Variants in SCN4A observed in about 807,000 individuals in gnomAD.
SCN4A encodes the protein sodium channel protein type 4 subunit alpha.
In SCN4A, 83 loss-of-function variants were observed where a neutral mutation model predicts 162.0. The ratio of observed to expected loss-of-function variants is 0.51; its 90% confidence interval spans 0.43 to 0.61. SCN4A has a LOEUF of 0.61. Ranked by LOEUF, SCN4A falls within the 20% of genes least tolerant of loss-of-function variation. The probability of loss-of-function intolerance (pLI) is 0.00; values close to 1 mark genes in which losing one functional copy is unlikely to be tolerated. For synonymous variants in SCN4A, 944 were observed against 985.1 expected (o/e 0.96, Z 0.78); for missense variants, 2,196 against 2,462.5 (o/e 0.89, Z 2.29).
chr17:63,947,214 T>A (rs1567818847), intron 17 of SCN4A, 47 bp from the exon 18 acceptor site: 2 of 1,609,350 alleles, frequency 1.2e-6, no homozygotes, highest in South Asian at 2.2e-5. Context: ...GCCCCCAGCC[T>A]CCCCTCAAGC....
In SCN4A at chr17:63,940,821, G is replaced by A. The variant is rs759262616; in HGVS notation, c.5461C>T (p.Pro1821Ser). ...SPSDTAWPPA[P>S]PPGQTVRPGV... Reference sequence around the variant, plus strand: ...GGGCGCACAGTCTGCCCTGGGGGAGGGGCGGGAGGCCAGGCAGTGTCTGAG... The same window carrying A: ...GGGCGCACAGTCTGCCCTGGGGGAGAGGCGGGAGGCCAGGCAGTGTCTGAG... Residue 1821 changes from proline to serine, a missense_variant, in exon 24 of 24, where the codon CCT (proline) becomes TCT (serine). By Grantham distance (74) the Pro-to-Ser change is moderately conservative. Coordinates refer to ENST00000435607, the MANE Select transcript of SCN4A (RefSeq NM_000334.4). 1 of 1,604,722 alleles carries A rather than the reference G, an allele frequency of 6.2e-7. No individual in the cohort carries two copies. Among genetic ancestry groups the A allele is most frequent in the East Asian group, 2.2e-5 (1 of 44,670 alleles).
In SCN4A at chr17:63,945,137, CAA is replaced by C; in HGVS notation, c.3721-79_3721-78del. 6.8e-7 allele frequency: 1 copy of C among 1,463,400 alleles called. No homozygotes were observed. The highest frequency in any genetic ancestry group is 9.5e-7 in the Non-Finnish European group (1 of 1,054,078). The allele number at this position is 1,463,400 out of a possible 1,614,324, so 90.7% of individuals were successfully genotyped here. A position where few individuals can be genotyped will look rare whatever the true frequency, so the allele number is the denominator to read the frequency against. ...CATCCATGAGTTTCCCTCCCCCACCCAACCTGGTCCTCCCCTGCCAGAGGCCG... is the reference window on the plus strand; with the variant it reads ...CATCCATGAGTTTCCCTCCCCCACCCCCTGGTCCTCCCCTGCCAGAGGCCG... On this transcript the variant is annotated intron_variant, in intron 19 of 23. Transcript: ENST00000435607. This position sits in a 1 kb window ranked among gnomAD's most constrained non-coding sequence, Gnocchi z 4.4.
chr17:63,966,293 T>TG, intron 7 of SCN4A, 50 bp from the exon 8 acceptor site: 6 of 1,573,112 alleles, frequency 3.8e-6, no homozygotes. Context: ...GCACTCCAGC[T>TG]GGGGGCAGAT....
rs1159153061 is a variant in SCN4A, at chr17:63,963,721, G to T, written c.1557C>A (p.Ala519=). The T allele has an allele frequency of 3.7e-6, 6 of 1,602,340 alleles. No individual in the cohort carries two copies. Among genetic ancestry groups the T allele is most frequent in the East Asian group, 2.3e-5 (1 of 44,294 alleles). Residue 519 remains alanine (A), a synonymous_variant, in exon 10 of 24, where the codon GCC becomes GCA. Coordinates refer to ENST00000435607, the MANE Select transcript of SCN4A (RefSeq NM_000334.4). ...TGTCTCCGCTGCTGCTCTGCCTCGG[G>T]GCTCCCTTCTCCCCTTGCGATGTGT... The part of the protein sequence containing the change: ...SLDTSQGEKG[A]PRQSSSGDSG...
rs535481153 is a variant in SCN4A, at chr17:63,942,135, G to A, written c.4289-142C>T. ...ACAGCCCAGATGACTGACAGGTGAG[G>A]CTGGGCTCTCCCACGGGTCTTGGGG... On this transcript the variant is annotated intron_variant, in intron 23 of 23. Coordinates refer to ENST00000435607, the MANE Select transcript of SCN4A (RefSeq NM_000334.4). 7.2e-5 allele frequency: 59 copies of A among 819,268 alleles called. No homozygotes were observed. In the African/African-American group the frequency reaches 9.3e-4, roughly 13 times the overall value. The allele number at this position is 819,268 out of a possible 1,614,324, so 50.7% of individuals were successfully genotyped here.
rs1046124971 is a variant in SCN4A, at chr17:63,951,045, A to T, written c.2853+379T>A. On this transcript the variant is annotated intron_variant, in intron 14 of 23. Transcript: ENST00000435607. The surrounding 1 kb of genome is among the most constrained non-coding windows in gnomAD (Gnocchi z 4.5). ...GTGTGAGGACTGGGCAAGGGGCCTC[A>T]AACCCAGAGGAGAATATGTAAGAGA... 1.4e-4 allele frequency among the ~76,000 whole-genome samples: 22 copies of T among 152,200 alleles called. No individual in the cohort carries two copies. The highest frequency in any genetic ancestry group is 5.1e-4 in the African/African-American group (21 of 41,450).
Position 63,940,692 on chromosome 17 carries a change from C to A in SCN4A, c.*79G>T, listed in dbSNP as rs1352862301. ...ACAGTCCCAGATTCAAAGCCCTCCT[C>A]CCTCACTCTGTGTGCAGGCACCACG... On this transcript the variant is annotated 3_prime_UTR_variant, in exon 24 of 24. Coordinates refer to ENST00000435607, the MANE Select transcript of SCN4A (RefSeq NM_000334.4). The A allele has an allele frequency of 1.1e-5, 16 of 1,483,206 alleles. No individual in the cohort carries two copies. In the Admixed American group the frequency reaches 3.4e-4, roughly 32 times the overall value. The allele number at this position is 1,483,206 out of a possible 1,614,324, so 91.9% of individuals were successfully genotyped here.
chr17:63,946,307 G>T (rs890198263), intron 18 of SCN4A, among the ~76,000 whole-genome samples: 1 of 152,150 alleles, frequency 6.6e-6, no homozygotes, highest in Non-Finnish European at 1.5e-5. Flanking sequence ...GCTCTGGGGG[G>T]TCAGAGGGCC....
intron 13 of SCN4A, among the ~76,000 whole-genome samples, chr17:63,953,563 C>A (rs1327722553): frequency 6.6e-6 from 1 of 151,466 alleles, no homozygotes; most frequent in Admixed American, 6.6e-5. Flanking sequence ...CACCTATAAT[C>A]CCAGCTACTT....
chr17:63,971,921 C>G, intron 3 of SCN4A, 71 bp from the exon 4 acceptor site: 1 of 1,517,854 alleles, frequency 6.6e-7, no homozygotes, highest in South Asian at 1.1e-5. Flanking sequence ...CGACAGACCC[C>G]CAGAAGGGAG....
At position 63,951,939 on chromosome 17, in the gene SCN4A, C is replaced by T. The variant is rs868803015; in HGVS notation, c.2377-39G>A. 10 of 1,359,888 alleles carry T rather than the reference C, an allele frequency of 7.4e-6. 1 individual carries two copies. The highest frequency in any genetic ancestry group is 4.2e-4 in the Middle Eastern group (2 of 4,770). The allele number at this position is 1,359,888 out of a possible 1,614,324, so 84.2% of individuals were successfully genotyped here. ...TCAGGGGGAGCCTCACATCAGTCCC[C>T]GGGACCCAGAGGGTGCCACCTTCAG... On this transcript the variant is annotated intron_variant, in intron 13 of 23. Coordinates refer to ENST00000435607, the MANE Select transcript of SCN4A (RefSeq NM_000334.4). The surrounding 1 kb of genome is among the most constrained non-coding windows in gnomAD (Gnocchi z 4.5).
chr17:63,956,228 A>C lies in SCN4A; in HGVS notation c.2376+934T>G, dbSNP rs546738640. 3.4e-3 allele frequency among the ~76,000 whole-genome samples: 511 copies of C among 152,210 alleles called. 6 individuals carry two copies. The highest frequency in any genetic ancestry group is 3.0e-3 in the Non-Finnish European group (202 of 68,006). ...TTTATGCCATCTCTGCATTTTCCCA[A>C]TATCTGCACCTGTTTCTTTTTTGTT... On this transcript the variant is annotated intron_variant, in intron 13 of 23. Coordinates refer to ENST00000435607, the MANE Select transcript of SCN4A (RefSeq NM_000334.4).
chr17:63,965,358 T>C (rs900659608), intron 8 of SCN4A, among the ~76,000 whole-genome samples: 8 of 152,222 alleles, frequency 5.3e-5, no homozygotes, highest in Admixed American at 5.2e-4. Context: ...GCTGTTATTA[T>C]TTTTGTTATT....
At position 63,963,746 on chromosome 17, in the gene SCN4A, T is replaced by TTCAG; in HGVS notation, c.1531_1532insCTGA (p.Asp511AlafsTer98). The TTCAG allele has an allele frequency of 1.2e-6, 2 of 1,610,346 alleles. No homozygotes were observed. The highest frequency in any genetic ancestry group is 2.7e-5 in the African/African-American group (2 of 75,002). On this transcript the variant is annotated frameshift_variant, in exon 10 of 24. Transcript: ENST00000435607. LOFTEE classifies it high-confidence loss of function. ...GGCTCCCTTCTCCCCTTGCGATGTGTCCAGGCTGCCATTGCAGTCTTTGCC... is the reference window on the plus strand; with the variant it reads ...GGCTCCCTTCTCCCCTTGCGATGTGTTCAGCCAGGCTGCCATTGCAGTCTTTGCC...
rs145578310 is a variant in SCN4A at position 63,942,062 on chromosome 17, C to A, written c.4289-69G>T. 329 of 1,436,232 alleles carry A rather than the reference C, an allele frequency of 2.3e-4. 3 individuals are homozygous for A. In the Middle Eastern group the frequency reaches 3.0e-3, roughly 13 times the overall value. The allele number at this position is 1,436,232 out of a possible 1,614,324, so 89.0% of individuals were successfully genotyped here. ...GCCGGCACAGGGTGTGGGGAGCATGCGGGGCTCAGGGGGCCCGGCCTGGTG... is the reference window on the plus strand; with the variant it reads ...GCCGGCACAGGGTGTGGGGAGCATGAGGGGCTCAGGGGGCCCGGCCTGGTG... On this transcript the variant is annotated intron_variant, in intron 23 of 23. Coordinates refer to ENST00000435607, the MANE Select transcript of SCN4A (RefSeq NM_000334.4).
rs1204694543 is a variant in SCN4A at position 63,959,341 on chromosome 17, A to G, written c.1943T>C (p.Ile648Thr). ...CTCTACCAGGCTGAGGGTGACGATG[A>G]TGCTGTCGAAGATATTCCAACCCTG... ...FQQGWNIFDSIIVTLSLVELG... is the reference protein window; with the variant it reads ...FQQGWNIFDSTIVTLSLVELG... Residue 648 changes from isoleucine (I) to threonine (T), a missense_variant, in exon 12 of 24, where the codon ATC becomes ACC. Transcript: ENST00000435607. 13 of 1,613,868 alleles carry G rather than the reference A, an allele frequency of 8.1e-6. No homozygotes were observed. Among genetic ancestry groups the G allele is most frequent in the South Asian group, 1.1e-5 (1 of 91,084 alleles).
At chr17:63,947,422 C>T (rs1182995323) in intron 17 of SCN4A, among the ~76,000 whole-genome samples, 18 of 151,936 alleles carry the variant, frequency 1.2e-4, no homozygotes, top group Non-Finnish European at 2.2e-4. Context: ...CCGACTCCTT[C>T]GGGGAGGCCT....
rs758639516 is a variant in SCN4A, at chr17:63,971,262, G to C, written c.612-9C>G. Reference sequence around the variant, plus strand: ...CAAACTCTGTCAGGTACCTGGGTAGGGGGTGGAGGGGGGTGGGGACTGTCA... The same window carrying C: ...CAAACTCTGTCAGGTACCTGGGTAGCGGGTGGAGGGGGGTGGGGACTGTCA... On this transcript the variant is annotated splice_polypyrimidine_tract_variant and intron_variant, in intron 4 of 23. Transcript: ENST00000435607. 3.4e-6 allele frequency: 5 copies of C among 1,466,642 alleles called. No homozygotes were observed. The Admixed American group carries it at 9.8e-5, about 29-fold the overall frequency. The allele number at this position is 1,466,642 out of a possible 1,614,324, so 90.9% of individuals were successfully genotyped here. A position where few individuals can be genotyped will look rare whatever the true frequency, so the allele number is the denominator to read the frequency against.
rs1244264430 is a variant in SCN4A at position 63,941,134 on chromosome 17, C to T, written c.5148G>A (p.Glu1716=). ...TCCTCTTGAGGGTGGTGGTGATGGG[C>T]TCGTAGGACACCTTGGAGGGGTTGG... is the stretch of plus-strand genomic sequence containing the variant. ...MAANPSKVSY[E]PITTTLKRKH... Residue 1716 remains glutamate (E), a synonymous_variant, in exon 24 of 24, where the codon GAG becomes GAA. Coordinates refer to ENST00000435607, the MANE Select transcript of SCN4A (RefSeq NM_000334.4). The surrounding 1 kb of genome is among the most constrained non-coding windows in gnomAD (Gnocchi z 6.2). 14 of 1,613,816 alleles carry T rather than the reference C, an allele frequency of 8.7e-6. No individual in the cohort carries two copies. The highest frequency in any genetic ancestry group is 1.2e-5 in the Non-Finnish European group (14 of 1,179,880).
Sources: allele counts gnomAD v4.1 joint callset (sites outside exome capture counted in the v4.1 genomes callset), GRCh38; gene constraint gnomAD v4.1.1; non-coding constraint Gnocchi (gnomAD v3.1); transcripts MANE v1.5; gene names NCBI Gene and HGNC (gene_info 2026-07-23, HGNC 2026-07-21).